TIAM1: variants seen among roughly 807,000 people sequenced by gnomAD.
TIAM1 encodes the protein rho guanine nucleotide exchange factor TIAM1.
In TIAM1, 65 loss-of-function variants were observed where a neutral mutation model predicts 163.5. That is an observed-to-expected ratio of 0.40 (90% CI 0.33 to 0.49). The LOEUF is 0.49. Among genes scored for constraint, TIAM1 ranks in the 20% least tolerant of loss-of-function variants. The pLI, the probability that TIAM1 is intolerant of heterozygous loss-of-function variation, is 0.77. For synonymous variants in TIAM1, 833 were observed against 810.1 expected (o/e 1.03, Z -0.48); for missense variants, 1,789 against 2,044.7 (o/e 0.87, Z 2.41).
intron 2 of TIAM1, among the ~76,000 whole-genome samples, chr21:31,372,537 G>C (rs556470102): frequency 9.8e-5 from 15 of 152,340 alleles, no homozygotes; most frequent in African/African-American, 3.1e-4. Context: ...TCTGGCAAGA[G>C]AGGGCCAAAG....
chr21:31,545,734 C>T lies in TIAM1; in HGVS notation c.-422+13193G>A, dbSNP rs188226469. ...CTTCCATTGAGATTTAATCACTGGG[C>T]TCCTCTGTGGCCCCCACTGGCTTTC... On this transcript the variant is annotated intron_variant, in intron 1 of 28. Coordinates refer to the TIAM1 transcript ENST00000286827. 2.1e-3 allele frequency among the ~76,000 whole-genome samples: 316 copies of T among 152,316 alleles called. 3 individuals carry two copies. Among genetic ancestry groups the T allele is most frequent in the Non-Finnish European group, 3.8e-3 (258 of 68,028 alleles).
At chr21:31,487,548 T>TG (rs2046313460) in intron 1 of TIAM1, among the ~76,000 whole-genome samples, 1 of 121,974 alleles carries the variant, frequency 8.2e-6, no homozygotes, top group African/African-American at 3.2e-5. Flanking sequence ...TTTTTTTTTT[T>TG]TTTGTATTTT....
At chr21:31,244,864 C>T (rs1006024287) in intron 6 of TIAM1, among the ~76,000 whole-genome samples, 5 of 152,238 alleles carry the variant, frequency 3.3e-5, no homozygotes, top group Admixed American at 2.0e-4. Context: ...CATAACAACA[C>T]AAAAAAGTTC....
chr21:31,464,183 G>GTC (rs1223139529), intron 1 of TIAM1: 2 of 152,190 alleles, frequency 1.3e-5, no homozygotes, highest in Non-Finnish European at 2.9e-5. Flanking sequence ...GCTAATAACA[G>GTC]AGGAAAGAAA....
intron 2 of TIAM1, among the ~76,000 whole-genome samples, chr21:31,463,618 G>A (rs1019875584): frequency 1.2e-4 from 19 of 152,218 alleles, no homozygotes; most frequent in African/African-American, 4.6e-4. Flanking sequence ...AGGAGTTCGA[G>A]ACCAGCCTGG....
At chr21:31,403,954 G>C (rs1418943177) in intron 2 of TIAM1, among the ~76,000 whole-genome samples, 1 of 152,122 alleles carries the variant, frequency 6.6e-6, no homozygotes, top group Non-Finnish European at 1.5e-5. Flanking sequence ...CACGGAGGCA[G>C]GAGCAATTAA....
intron 15 of TIAM1, among the ~76,000 whole-genome samples, chr21:31,180,519 C>CTCTTT (rs11474406): frequency 0.21 from 29,385 of 141,112 alleles, 4,820 homozygotes; most frequent in African/African-American, 0.48. Context: ...GTTTACCCAC[C>CTCTTT]TCTTTTTTTT....
At chr21:31,541,690 G>A (rs1341425191) in intron 1 of TIAM1, among the ~76,000 whole-genome samples, 2 of 152,102 alleles carry the variant, frequency 1.3e-5, no homozygotes, top group Non-Finnish European at 2.9e-5. Context: ...ATCTATTTAA[G>A]AGTTACAATT....
In TIAM1 at chr21:31,416,787, C is replaced by T. The variant is rs545952336; in HGVS notation, c.-369+47196G>A. Among the ~76,000 whole-genome samples, 292 of 152,314 alleles carry T rather than the reference C, an allele frequency of 1.9e-3. 2 individuals are homozygous for T. The highest frequency in any genetic ancestry group is 6.8e-3 in the African/African-American group (284 of 41,580). On this transcript the variant is annotated intron_variant, in intron 2 of 28. Transcript: ENST00000286827. ...TTGCTCAGCGCTCTCAACCACTTTGCTTACATGACACATATTAAGGGGGAC... is the reference window on the plus strand; with the variant it reads ...TTGCTCAGCGCTCTCAACCACTTTGTTTACATGACACATATTAAGGGGGAC...
intron 2 of TIAM1, among the ~76,000 whole-genome samples, chr21:31,418,785 G>A (rs563072619): frequency 1.3e-5 from 2 of 152,262 alleles, no homozygotes; most frequent in Admixed American, 1.3e-4. Flanking sequence ...AAATACCAGC[G>A]ACACTGGACT....
At chr21:31,486,260 G>A (rs947749145) in intron 1 of TIAM1, among the ~76,000 whole-genome samples, 3 of 152,182 alleles carry the variant, frequency 2.0e-5, no homozygotes, top group Non-Finnish European at 4.4e-5. Context: ...TCATCCTGGG[G>A]AAAAAATGAA....
chr21:31,333,610 T>C (rs2075749287), intron 2 of TIAM1, among the ~76,000 whole-genome samples: 1 of 152,138 alleles, frequency 6.6e-6, no homozygotes, highest in Non-Finnish European at 1.5e-5. Context: ...GGCTAAGTTT[T>C]TTATTTTCTT....
chr21:31,223,602 G>A lies in TIAM1; in HGVS notation c.1810-11C>T, dbSNP rs369232216. On this transcript the variant is annotated splice_polypyrimidine_tract_variant and intron_variant, in intron 7 of 27. Coordinates refer to ENST00000541036, the MANE Select transcript of TIAM1 (RefSeq NM_001353694.2). The stretch of plus-strand genomic sequence containing the variant: ...CTCCCAGACAAAGATCTATGGTAGT[G>A]AAAACACGGGAAAAGAAAAAGTGAG... 2 of 1,570,794 alleles carry A rather than the reference G, an allele frequency of 1.3e-6. No homozygotes were observed. Among genetic ancestry groups the A allele is most frequent in the South Asian group, 1.2e-5 (1 of 85,674 alleles).
chr21:31,453,019 T>C (rs1379109627), intron 2 of TIAM1: 1 of 470,534 alleles, frequency 2.1e-6, no homozygotes, highest in African/African-American at 2.0e-5. Flanking sequence ...GGAGATACAC[T>C]GGATCTTCTC....
intron 25 of TIAM1, among the ~76,000 whole-genome samples, chr21:31,128,976 T>TA (rs59856958): frequency 6.8e-6 from 1 of 146,686 alleles, no homozygotes; most frequent in Non-Finnish European, 1.5e-5. Context: ...ACAAGGAGGC[T>TA]AAAAAACAGA....
intron 2 of TIAM1, among the ~76,000 whole-genome samples, chr21:31,408,162 T>C (rs890359881): frequency 5.9e-5 from 9 of 152,360 alleles, no homozygotes; most frequent in African/African-American, 2.2e-4. Context: ...TTCAGGGTAT[T>C]CTTGAAGCAC....
At chr21:31,293,360 T>C (rs1432338157) in intron 2 of TIAM1, among the ~76,000 whole-genome samples, 1 of 152,158 alleles carries the variant, frequency 6.6e-6, no homozygotes, top group Non-Finnish European at 1.5e-5. Context: ...CCCCTACTGA[T>C]GTAGATGTTA....
intron 2 of TIAM1, among the ~76,000 whole-genome samples, chr21:31,301,186 ATG>A (rs2074483343): frequency 1.3e-5 from 2 of 152,228 alleles, no homozygotes; most frequent in South Asian, 4.1e-4. Flanking sequence ...TCGAATGCAG[ATG>A]TGCTATCCTC....
chr21:31,129,171 T>A (rs1436700209), intron 25 of TIAM1, among the ~76,000 whole-genome samples: 1 of 152,206 alleles, frequency 6.6e-6, no homozygotes, highest in African/African-American at 2.4e-5. Context: ...CATTCCAGGA[T>A]GTGCCTGGGA....
Sources: gnomAD v4.1 joint callset for allele counts (sites outside exome capture counted in the v4.1 genomes callset) on GRCh38, gnomAD v4.1.1 for gene constraint, MANE v1.5 for transcripts, NCBI Gene and HGNC (gene_info 2026-07-23, HGNC 2026-07-21) for gene names.